Variants in SYT3 observed in about 807,000 individuals in gnomAD.
SYT3 encodes synaptotagmin 3.
In SYT3, 25 loss-of-function variants were observed where a neutral mutation model predicts 50.6. The observed-to-expected ratio is 0.49, with a 90% CI of 0.36 to 0.69. The LOEUF is 0.69. SYT3 is among the 30% of genes least tolerant of loss of function. SYT3 has a pLI of 0.00. For missense variants in SYT3, 589 were observed against 793.6 expected (o/e 0.74, Z 3.10); for synonymous variants, 323 against 353.9 (o/e 0.91, Z 0.98).
chr19:50,641,168 ATTTTTTTTT>A (rs566141853), upstream of SYT3, among the ~76,000 whole-genome samples: 16 of 60,244 alleles, frequency 2.7e-4, no homozygotes, highest in Admixed American at 1.1e-3. Context: ...GAGCCCAGGA[ATTTTTTTTT>A]TTTTTTTTTT....
In SYT3 at chr19:50,625,594, G is replaced by T; in HGVS notation, c.1403-30C>A. On this transcript the variant is annotated intron_variant, in intron 7 of 10. Transcript: ENST00000600079. This position sits in a 1 kb window ranked among gnomAD's most constrained non-coding sequence, Gnocchi z 7.5. Reference sequence around the variant, plus strand: ...GAACAGCAATGAAGTAAGGAACAGAGACTCACTCCCTCAGACCTAGGGGTC... The same window carrying T: ...GAACAGCAATGAAGTAAGGAACAGATACTCACTCCCTCAGACCTAGGGGTC... 1 of 1,546,322 alleles carries T rather than the reference G, an allele frequency of 6.5e-7. No individual in the cohort carries two copies. Among genetic ancestry groups the T allele is most frequent in the Non-Finnish European group, 8.7e-7 (1 of 1,147,582 alleles).
the SYT3 span, chr19:50,656,298 C>T: frequency 5.9e-6 from 9 of 1,536,248 alleles, no homozygotes; most frequent in Admixed American, 2.0e-5. Context: ...TCCGGAAGTT[C>T]CCCACACCAC....
chr19:50,625,082 T>C lies in SYT3; in HGVS notation c.1707+80A>G. ...CGCCTGGCTCTGCGACTCACGAACATGCAGGGCGTTCGTTGCATGGATGAA... is the reference window on the plus strand; with the variant it reads ...CGCCTGGCTCTGCGACTCACGAACACGCAGGGCGTTCGTTGCATGGATGAA... On this transcript the variant is annotated intron_variant, in intron 9 of 10. Transcript: ENST00000600079. This position sits in a 1 kb window ranked among gnomAD's most constrained non-coding sequence, Gnocchi z 7.5. 4 of 1,373,820 alleles carry C rather than the reference T, an allele frequency of 2.9e-6. No individual in the cohort carries two copies. The highest frequency in any genetic ancestry group is 3.8e-6 in the Non-Finnish European group (4 of 1,052,690). The allele number at this position is 1,373,820 out of a possible 1,614,324, so 85.1% of individuals were successfully genotyped here.
At chr19:50,641,782 G>T (rs1984687079), upstream of SYT3, among the ~76,000 whole-genome samples, 1 of 152,006 alleles carries the variant, frequency 6.6e-6, no homozygotes, top group Non-Finnish European at 1.5e-5. Flanking sequence ...GAAGGTGGAG[G>T]TTGCAGTCAG....
At chr19:50,651,115 C>T in the SYT3 span, among the ~76,000 whole-genome samples, 2 of 152,260 alleles carry the variant, frequency 1.3e-5, no homozygotes. Flanking sequence ...GCCTGTAGTG[C>T]CTAATGGATG....
intron 4 of SYT3, among the ~76,000 whole-genome samples, chr19:50,631,517 T>A (rs1347026792): frequency 6.6e-6 from 1 of 152,162 alleles, no homozygotes; most frequent in African/African-American, 2.4e-5. Flanking sequence ...TAAGGCTTGG[T>A]GCCCTGGCTG....
chr19:50,645,742 G>A, the SYT3 span, among the ~76,000 whole-genome samples: 3 of 152,170 alleles, frequency 2.0e-5, no homozygotes, highest in South Asian at 2.1e-4. Flanking sequence ...TTAGCCAGGC[G>A]TGGTGTGTGC....
chr19:50,640,714 T>C (rs1984648725), upstream of SYT3, among the ~76,000 whole-genome samples: 1 of 151,588 alleles, frequency 6.6e-6, no homozygotes, highest in Admixed American at 6.6e-5. Context: ...ACAGTAACAA[T>C]AGCTGATGAG....
At chr19:50,624,549 A>T (rs1316159693) in intron 9 of SYT3, among the ~76,000 whole-genome samples, 2 of 128,966 alleles carry the variant, frequency 1.6e-5, no homozygotes, top group South Asian at 4.7e-4. Flanking sequence ...GATAATCTTA[A>T]ATGACTTTTT....
chr19:50,639,484 G>T lies in SYT3; in HGVS notation c.-154+306C>A, dbSNP rs1984604646. Among the ~76,000 whole-genome samples the T allele has an allele frequency of 6.6e-6, 1 of 151,754 alleles. No homozygotes were observed. The highest frequency in any genetic ancestry group is 2.4e-5 in the African/African-American group (1 of 41,314). On this transcript the variant is annotated intron_variant, in intron 1 of 10. Transcript: ENST00000600079. This position sits in a 1 kb window ranked among gnomAD's most constrained non-coding sequence, Gnocchi z 4.6. ...GGTCCCAAGACGCTTCAGGGGAGGG[G>T]AACGATGTCCGGGACTTCGAAAAGC...
chr19:50,634,653 G>A (rs754916402), intron 3 of SYT3, among the ~76,000 whole-genome samples: 9 of 135,010 alleles, frequency 6.7e-5, no homozygotes, highest in Non-Finnish European at 1.4e-4. Flanking sequence ...GCATGATCTC[G>A]GTTCACTGAA....
At chr19:50,624,315 A>G (rs1214502716) in intron 9 of SYT3, among the ~76,000 whole-genome samples, 1 of 152,188 alleles carries the variant, frequency 6.6e-6, no homozygotes, top group Non-Finnish European at 1.5e-5. Context: ...TGGAATGCTA[A>G]ACTAGTTGAA....
At chr19:50,649,453 A>C in the SYT3 span, 25 of 1,536,086 alleles carry the variant, frequency 1.6e-5, 1 homozygote, top group South Asian at 2.6e-4. Context: ...GGATGCAGCC[A>C]GAGGTGGAGC....
upstream of SYT3, among the ~76,000 whole-genome samples, chr19:50,644,329 T>G (rs558764063): frequency 3.3e-5 from 5 of 151,282 alleles, no homozygotes; most frequent in East Asian, 9.7e-4. Flanking sequence ...GTTGGAGGAA[T>G]AGATGAAGGA....
rs144835837 is a variant in SYT3 at position 50,623,203 on chromosome 19, G to C, written c.1708-448C>G. On this transcript the variant is annotated intron_variant, in intron 9 of 10. Coordinates refer to ENST00000600079, the MANE Select transcript of SYT3 (RefSeq NM_001160329.2). ...CCAGCGTTGCCCAACATGGGCAGTGGCTCACCAGAAACTCCTGGGAAGGTT... is the reference window on the plus strand; with the variant it reads ...CCAGCGTTGCCCAACATGGGCAGTGCCTCACCAGAAACTCCTGGGAAGGTT... Among the ~76,000 whole-genome samples the C allele has an allele frequency of 1.8e-4, 27 of 152,172 alleles. No individual in the cohort carries two copies. The East Asian group carries it at 5.2e-3, about 29-fold the overall frequency.
At chr19:50,652,086 C>A in the SYT3 span, among the ~76,000 whole-genome samples, 1 of 152,142 alleles carries the variant, frequency 6.6e-6, no homozygotes, top group Non-Finnish European at 1.5e-5. Context: ...TGGGCTCAAG[C>A]GATCCTCCTG....
chr19:50,633,587 G>A (rs8104662), intron 3 of SYT3, among the ~76,000 whole-genome samples: 102,576 of 152,062 alleles, frequency 0.67, 35,929 homozygotes, highest in African/African-American at 0.81. Context: ...AACATATCTT[G>A]ACCACTCTGA....
chr19:50,633,628 A>G (rs924749251), intron 3 of SYT3, among the ~76,000 whole-genome samples: 2 of 152,230 alleles, frequency 1.3e-5, no homozygotes, highest in African/African-American at 2.4e-5. Flanking sequence ...CAAGTAGGAA[A>G]AATCAGTTCT....
chr19:50,638,641 A>C (rs1215461048), intron 2 of SYT3, among the ~76,000 whole-genome samples: 1 of 152,076 alleles, frequency 6.6e-6, no homozygotes, highest in Non-Finnish European at 1.5e-5. Context: ...AGAGGACGAG[A>C]GACGGTGAAG....
Sources: gnomAD v4.1 joint callset for allele counts (sites outside exome capture counted in the v4.1 genomes callset) on GRCh38, gnomAD v4.1.1 for gene constraint, Gnocchi (gnomAD v3.1) non-coding constraint, MANE v1.5 for transcripts, NCBI Gene and HGNC (gene_info 2026-07-23, HGNC 2026-07-21) for gene names.